MANBA: variants seen among roughly 807,000 people sequenced by gnomAD.
The protein encoded by MANBA is beta-mannosidase.
A neutral mutation model predicts 111.1 loss-of-function variants in MANBA; 83 were observed. That is an observed-to-expected ratio of 0.75 (90% CI 0.63 to 0.90). The LOEUF is 0.90. MANBA is among the 40% of genes least tolerant of loss of function. The pLI is 0.00. For missense variants in MANBA, 1,036 were observed against 1,069.0 expected, an observed-to-expected ratio of 0.97 and a Z score of 0.43; for synonymous variants, 370 against 378.7, an observed-to-expected ratio of 0.98 and a Z score of 0.27.
At chr4:102,683,566 A>ATCAATT (rs1271665279) in intron 7 of MANBA, among the ~76,000 whole-genome samples, 3 of 152,364 alleles carry the variant, frequency 2.0e-5, no homozygotes, top group African/African-American at 7.2e-5. Flanking sequence ...ATTCAGTACA[A>ATCAATT]TCAATTAGTA....
intron 10 of MANBA, chr4:102,667,334 G>C (rs374959101): frequency 8.9e-4 from 135 of 152,284 alleles, no homozygotes; most frequent in African/African-American, 3.0e-3. Flanking sequence ...AGAGTAGTAA[G>C]CACGGGGGTG....
intron 1 of MANBA, chr4:102,730,765 T>A: frequency 2.1e-6 from 1 of 482,962 alleles, no homozygotes; most frequent in East Asian, 5.4e-5. Context: ...TAAGTCTTTC[T>A]GAGTTTCTCT....
intron 10 of MANBA, chr4:102,666,556 G>A (rs1033845678): frequency 2.6e-5 from 4 of 152,310 alleles, no homozygotes; most frequent in African/African-American, 9.7e-5. Flanking sequence ...AACAAAGGAG[G>A]TGGCTCACAA....
intron 5 of MANBA, among the ~76,000 whole-genome samples, chr4:102,702,225 A>C (rs1424234845): frequency 6.6e-6 from 1 of 151,448 alleles, no homozygotes; most frequent in Non-Finnish European, 1.5e-5. Context: ...TCCTTTAAGC[A>C]CTTCTCTGTA....
chr4:102,670,664 T>C (rs994622962), intron 9 of MANBA, among the ~76,000 whole-genome samples: 1 of 152,052 alleles, frequency 6.6e-6, no homozygotes, highest in African/African-American at 2.4e-5. Context: ...GACAACACGG[T>C]GAAACCCCAT....
intron 1 of MANBA, among the ~76,000 whole-genome samples, chr4:102,747,538 C>T (rs1011728155): frequency 2.6e-5 from 4 of 152,142 alleles, no homozygotes; most frequent in Admixed American, 2.0e-4. Context: ...TCAATCCAAT[C>T]AAGTTGACAC....
chr4:102,631,106 TTG>T lies in MANBA; in HGVS notation c.*949_*950del, dbSNP rs71934469. The T allele has an allele frequency of 0.02, 1,454 of 72,944 alleles. 9 individuals are homozygous for T. The highest frequency in any genetic ancestry group is 0.046 in the South Asian group (118 of 2,568). 4.5% of individuals were successfully genotyped at this position (72,944 alleles called of 1,614,324 possible). On this transcript the variant is annotated 3_prime_UTR_variant, in exon 17 of 17. Transcript: ENST00000647097. ...GTCCCCTTATCCCCTTGATAAGGCT[TTG>T]TGTGTGTGTGTGTGTGTGTGTGTGT...
intron 7 of MANBA, among the ~76,000 whole-genome samples, chr4:102,680,105 C>T (rs1213098648): frequency 1.3e-5 from 2 of 152,112 alleles, no homozygotes; most frequent in Non-Finnish European, 2.9e-5. Context: ...AATGGAAAAC[C>T]AGCAACTCTT....
At chr4:102,632,322 G>C in intron 16 of MANBA, 41 bp from the exon 17 acceptor site, 1 of 1,433,534 alleles carries the variant, frequency 7.0e-7, no homozygotes, top group Non-Finnish European at 9.8e-7. Flanking sequence ...GAAGGATGAG[G>C]GAAGAGTTAT....
chr4:102,739,211 G>C (rs928984340), intron 1 of MANBA, among the ~76,000 whole-genome samples: 3 of 152,130 alleles, frequency 2.0e-5, no homozygotes, highest in Non-Finnish European at 2.9e-5. Flanking sequence ...AGAGGAAATG[G>C]ATAAATTCCT....
intron 2 of MANBA, among the ~76,000 whole-genome samples, chr4:102,724,341 T>A (rs913994888): frequency 2.6e-5 from 4 of 152,190 alleles, no homozygotes; most frequent in Non-Finnish European, 5.9e-5. Context: ...GCAGATCACC[T>A]GAGGTCAGGA....
rs192124697 is a variant in MANBA, at chr4:102,715,019, G to A, written c.550-458C>T. ...ACATATGAATTTGGGGGGACCACAA[G>A]TTAGTGCAAAACTGTGTGTGCCCCC... On this transcript the variant is annotated intron_variant, in intron 4 of 16. Coordinates refer to ENST00000647097, the MANE Select transcript of MANBA (RefSeq NM_005908.4). Among the ~76,000 whole-genome samples, 5 of 152,316 alleles carry A rather than the reference G, an allele frequency of 3.3e-5. No individual in the cohort carries two copies. In the East Asian group the frequency reaches 7.7e-4, roughly 23 times the overall value.
rs368368860 is a variant in MANBA, at chr4:102,734,347, C to T, written c.178-7664G>A. The T allele has an allele frequency of 2.7e-5, 43 of 1,603,092 alleles. No homozygotes were observed. In the East Asian group the frequency reaches 6.3e-4, roughly 23 times the overall value. On this transcript the variant is annotated intron_variant, in intron 1 of 16. Coordinates refer to ENST00000647097, the MANE Select transcript of MANBA (RefSeq NM_005908.4). ...GTCAGAAGAGACCTCAGGCAGCAAG[C>T]GACTTGGGCCATGGCCTCTGACCTA...
At chr4:102,652,670 T>C (rs553464509) in intron 12 of MANBA, among the ~76,000 whole-genome samples, 131 of 152,202 alleles carry the variant, frequency 8.6e-4, no homozygotes, top group African/African-American at 3.0e-3. Flanking sequence ...GTGGGAGGAT[T>C]GCTTGAGCCC....
In MANBA at chr4:102,722,936, G is replaced by C. The variant is rs574767288; in HGVS notation, c.484C>G (p.Gln162Glu). 34 of 1,614,138 alleles carry C rather than the reference G, an allele frequency of 2.1e-5. 1 individual carries two copies. The South Asian group carries it at 3.2e-4, about 15-fold the overall frequency. Residue 162 changes from glutamine to glutamate, a missense_variant, in exon 4 of 17, where the codon CAG (glutamine) becomes GAG (glutamate). Transcript: ENST00000647097. ...AQQSKAHTRY[Q>E]VPPDCPPLVQ... ...AGTGGAGGGCAGTCTGGGGGAACCT[G>C]GTAGCGAGTGTGAGCTTTGCTCTGC...
intron 4 of MANBA, among the ~76,000 whole-genome samples, chr4:102,717,423 A>G (rs985096375): frequency 1.3e-4 from 20 of 148,386 alleles, no homozygotes; most frequent in African/African-American, 4.5e-4. Flanking sequence ...GCAGGCAGGA[A>G]CTTTTTTTTT....
intron 1 of MANBA, among the ~76,000 whole-genome samples, chr4:102,745,892 C>T (rs1183588317): frequency 6.6e-6 from 1 of 152,192 alleles, no homozygotes; most frequent in African/African-American, 2.4e-5. Flanking sequence ...CCTCAAGGGT[C>T]ACTCTGAACC....
chr4:102,686,462 T>C (rs983296179), intron 7 of MANBA, among the ~76,000 whole-genome samples: 4 of 152,130 alleles, frequency 2.6e-5, no homozygotes, highest in African/African-American at 7.2e-5. Context: ...GGTCTAAGCA[T>C]AGTTTCCAAT....
At position 102,760,726 on chromosome 4, in the gene MANBA, G is replaced by A. The variant is rs1349054936; in HGVS notation, c.169C>T (p.Leu57=). 7 of 1,539,864 alleles carry A rather than the reference G, an allele frequency of 4.5e-6. No individual in the cohort carries two copies. Among genetic ancestry groups the A allele is most frequent in the Non-Finnish European group, 5.3e-6 (6 of 1,140,586 alleles). ...TCGGCCGCACGCCATACCTGGATCAGGCCCTGCTGGAACAAGGCGCTGTGC... is the reference window on the plus strand; with the variant it reads ...TCGGCCGCACGCCATACCTGGATCAAGCCCTGCTGGAACAAGGCGCTGTGC... ...CVHSALFQQG[L]IQDSYYRFND... is the part of the protein sequence containing the mutation. Residue 57 remains leucine, a synonymous_variant, in exon 1 of 17, where the codon CTG becomes TTG. Transcript: ENST00000647097.
Sources: gnomAD v4.1 joint callset for allele counts (sites outside exome capture counted in the v4.1 genomes callset) on GRCh38, gnomAD v4.1.1 for gene constraint, MANE v1.5 for transcripts, NCBI Gene and HGNC (gene_info 2026-07-23, HGNC 2026-07-21) for gene names.